The following LGR6 variants were observed in gnomAD, a reference collection of about 807,000 sequenced individuals.
LGR6 encodes the protein leucine rich repeat containing G protein-coupled receptor 6.
LGR6 carries 45 observed loss-of-function variants against 69.4 expected under a neutral mutation model. That is an observed-to-expected ratio of 0.65 (90% CI 0.51 to 0.83). LGR6 has a LOEUF of 0.83. LGR6 is among the 40% of genes least tolerant of loss of function. The pLI is 0.00. For synonymous variants in LGR6, 538 were observed against 555.0 expected (o/e 0.97, Z 0.43); for missense variants, 1,108 against 1,246.7 (o/e 0.89, Z 1.68).
chr1:202,273,645 C>T (rs528663329), intron 4 of LGR6, among the ~76,000 whole-genome samples: 15 of 151,768 alleles, frequency 9.9e-5, no homozygotes, highest in Middle Eastern at 3.4e-3. Context: ...TTAGTAGAGA[C>T]GGGGTTTCGC....
chr1:202,257,334 G>A (rs1663855840), intron 4 of LGR6, among the ~76,000 whole-genome samples: 1 of 152,014 alleles, frequency 6.6e-6, no homozygotes, highest in Admixed American at 6.5e-5. Context: ...TTTTTGGTTT[G>A]TTTGTTGTAC....
intron 4 of LGR6, among the ~76,000 whole-genome samples, chr1:202,266,099 T>C (rs1459711484): frequency 2.5e-5 from 3 of 120,938 alleles, no homozygotes; most frequent in Non-Finnish European, 5.4e-5. Context: ...AATAATACTT[T>C]CCAGATTAAA....
At chr1:202,239,609 G>A (rs1661996434) in intron 4 of LGR6, among the ~76,000 whole-genome samples, 1 of 152,156 alleles carries the variant, frequency 6.6e-6, no homozygotes, top group South Asian at 2.1e-4. Flanking sequence ...AGGTGGGGAA[G>A]TCAGTGAAGA....
At chr1:202,312,803 C>CT (rs1653847090) in intron 16 of LGR6, among the ~76,000 whole-genome samples, 1 of 152,146 alleles carries the variant, frequency 6.6e-6, no homozygotes, top group Non-Finnish European at 1.5e-5. Context: ...AATGTTTTGT[C>CT]TTTATAGATT....
chr1:202,201,192 A>G (rs541582567), intron 1 of LGR6, among the ~76,000 whole-genome samples: 22 of 152,262 alleles, frequency 1.4e-4, no homozygotes, highest in Non-Finnish European at 2.6e-4. Context: ...CACGGTGAGG[A>G]TACCTTCCTG....
Position 202,318,840 on chromosome 1 carries a change from G to C in LGR6, c.2537G>C (p.Gly846Ala). 1.9e-6 allele frequency: 3 copies of C among 1,613,426 alleles called. No homozygotes were observed. The highest frequency in any genetic ancestry group is 2.5e-6 in the Non-Finnish European group (3 of 1,179,756). ...DDLRRLRPRA[G>A]DSGPLAYAAA... ...CTTCGGCGGCTTCGGCCCCGCGCAG[G>C]GGACTCAGGGCCCCTAGCCTATGCT... Residue 846 changes from glycine to alanine, a missense_variant, in exon 18 of 18, where the codon GGG (glycine) becomes GCG (alanine). Gly to Ala is a moderately conservative substitution (Grantham distance 60, BLOSUM62 0). Transcript: ENST00000367278.
In LGR6 at chr1:202,318,308, G is replaced by A. The variant is rs143684053; in HGVS notation, c.2005G>A (p.Val669Ile). The A allele has an allele frequency of 2.0e-5, 32 of 1,593,872 alleles. No individual in the cohort carries two copies. Among genetic ancestry groups the A allele is most frequent in the Admixed American group, 1.0e-4 (6 of 58,250 alleles). Residue 669 changes from valine (V) to isoleucine (I), a missense_variant, in exon 18 of 18, where the codon GTC becomes ATC. Val to Ile is a conservative substitution (Grantham distance 29, BLOSUM62 3). Transcript: ENST00000367278. ...LLTLAAVQCS[V>I]SVSCVRAYGK... ...CACTCTGGCCGCAGTGCAGTGCAGCGTCTCCGTCTCCTGTGTCCGGGCCTA... is the reference window on the plus strand; with the variant it reads ...CACTCTGGCCGCAGTGCAGTGCAGCATCTCCGTCTCCTGTGTCCGGGCCTA...
chr1:202,313,226 C>CAA (rs750602882), intron 16 of LGR6, among the ~76,000 whole-genome samples: 3 of 96,128 alleles, frequency 3.1e-5, no homozygotes, highest in South Asian at 3.2e-4. Context: ...GACTCCATCT[C>CAA]AAAAAAAAAA....
intron 14 of LGR6, among the ~76,000 whole-genome samples, chr1:202,308,213 C>T (rs913245497): frequency 6.6e-6 from 1 of 152,214 alleles, no homozygotes; most frequent in Non-Finnish European, 1.5e-5. Flanking sequence ...CAGGCACACA[C>T]ATTCCTCCTC....
At chr1:202,204,014 A>G in intron 1 of LGR6, 1 of 676,296 alleles carries the variant, frequency 1.5e-6, no homozygotes, top group Non-Finnish European at 2.7e-6. Flanking sequence ...ATCTGTCTGT[A>G]TGTTTGTCTG....
intron 6 of LGR6, among the ~76,000 whole-genome samples, chr1:202,286,041 T>C (rs1666370199): frequency 1.3e-5 from 2 of 152,208 alleles, no homozygotes; most frequent in East Asian, 1.9e-4. Flanking sequence ...CCTCTGTGTG[T>C]CTCCTCTTCT....
intron 4 of LGR6, among the ~76,000 whole-genome samples, chr1:202,244,080 C>G (rs186523185): frequency 6.6e-6 from 1 of 152,246 alleles, no homozygotes; most frequent in Admixed American, 6.5e-5. Context: ...GCCTCAGCCT[C>G]CCAAGTAGCT....
Position 202,285,695 on chromosome 1 carries a change from T to C in LGR6, c.716+4843T>C, listed in dbSNP as rs373058525. Among the ~76,000 whole-genome samples, 23 of 152,320 alleles carry C rather than the reference T, an allele frequency of 1.5e-4. No individual in the cohort carries two copies. The East Asian group carries it at 3.1e-3, about 20-fold the overall frequency. Reference sequence around the variant, plus strand: ...ACCCAGAAGTGTCATTTCACAGTGGTCCATGCTGTGTCTCATCTCCTCTGT... The same window carrying C: ...ACCCAGAAGTGTCATTTCACAGTGGCCCATGCTGTGTCTCATCTCCTCTGT... On this transcript the variant is annotated intron_variant, in intron 6 of 17. Transcript: ENST00000367278.
chr1:202,224,045 C>A (rs2147948068), intron 1 of LGR6, among the ~76,000 whole-genome samples: 1 of 152,034 alleles, frequency 6.6e-6, no homozygotes, highest in South Asian at 2.1e-4. Flanking sequence ...TAGATGAGGT[C>A]AACTAGGGGC....
intron 1 of LGR6, among the ~76,000 whole-genome samples, chr1:202,206,016 G>A (rs1317461257): frequency 7.9e-6 from 1 of 127,120 alleles, no homozygotes; most frequent in Non-Finnish European, 1.8e-5. Context: ...CGCCTGCAGG[G>A]GGCGCTCAGG....
Position 202,208,021 on chromosome 1 carries a change from C to G in LGR6, c.212+13820C>G, listed in dbSNP as rs147815451. Among the ~76,000 whole-genome samples the G allele has an allele frequency of 4.2e-3, 639 of 152,288 alleles. 7 individuals are homozygous for G. Among genetic ancestry groups the G allele is most frequent in the African/African-American group, 0.015 (621 of 41,530 alleles). On this transcript the variant is annotated intron_variant, in intron 1 of 17. Coordinates refer to ENST00000367278, the MANE Select transcript of LGR6 (RefSeq NM_001017403.2). ...GGACTTGGGAAATCCTACCACTGAC[C>G]TGCAGAGCCCTGCTGGCTCAGCCTC...
At position 202,314,354 on chromosome 1, in the gene LGR6, G is replaced by A. The variant is rs142469239; in HGVS notation, c.1568-448G>A. Among the ~76,000 whole-genome samples, 36 of 152,198 alleles carry A rather than the reference G, an allele frequency of 2.4e-4. No individual in the cohort carries two copies. In the East Asian group the frequency reaches 5.8e-3, roughly 24 times the overall value. Reference sequence around the variant, plus strand: ...TGCTCTCCCACCCCCTAGTTCACTCGTTCACGTCTAAACACACTGCAGCTC... The same window carrying A: ...TGCTCTCCCACCCCCTAGTTCACTCATTCACGTCTAAACACACTGCAGCTC... On this transcript the variant is annotated intron_variant, in intron 16 of 17. Transcript: ENST00000367278.
intron 4 of LGR6, among the ~76,000 whole-genome samples, chr1:202,262,238 A>G (rs1418133161): frequency 6.6e-6 from 1 of 152,162 alleles, no homozygotes; most frequent in Non-Finnish European, 1.5e-5. Context: ...TAAGTCTTTA[A>G]TCCATCTTGA....
At chr1:202,215,706 TGG>T (rs1466877179) in intron 1 of LGR6, among the ~76,000 whole-genome samples, 3 of 152,124 alleles carry the variant, frequency 2.0e-5, no homozygotes, top group Non-Finnish European at 4.4e-5. Flanking sequence ...GACCCGCAGG[TGG>T]GATGCCCACC....
Sources: gnomAD v4.1 joint callset for allele counts (sites outside exome capture counted in the v4.1 genomes callset) on GRCh38, gnomAD v4.1.1 for gene constraint, MANE v1.5 for transcripts, NCBI Gene and HGNC (gene_info 2026-07-23, HGNC 2026-07-21) for gene names.